KIR2DL1: variants seen among roughly 807,000 people sequenced by gnomAD.
KIR2DL1 encodes the protein killer cell immunoglobulin-like receptor 2DL1.
A neutral mutation model predicts 33.9 loss-of-function variants in KIR2DL1; 38 were observed. That is an observed-to-expected ratio of 1.12 (90% confidence interval 0.86 to 1.47). The LOEUF (loss-of-function observed/expected upper bound fraction) is 1.47, where lower values mean the gene tolerates loss of function less well. Among genes scored for constraint, KIR2DL1 ranks in the 40% most tolerant of loss-of-function variants. KIR2DL1 has a pLI of 0.00. For synonymous variants in KIR2DL1, 179 were observed against 165.9 expected, an observed-to-expected ratio of 1.08 and a Z score of -0.61; for missense variants, 531 against 433.9, an observed-to-expected ratio of 1.22 and a Z score of -1.99.
At chr19:54,773,209 C>A (rs1413108854) in intron 2 of KIR2DL1, 124 bp from the exon 3 acceptor site, 5 of 1,168,256 alleles carry the variant, frequency 4.3e-6, no homozygotes, top group African/African-American at 3.1e-5. Context: ...CAGAAAAGAA[C>A]ATGAAGACAC....
chr19:54,783,581 A>G, intron 7 of KIR2DL1, 43 bp downstream of exon 7: 1 of 1,613,938 alleles, frequency 6.2e-7, no homozygotes, highest in Non-Finnish European at 8.5e-7. Flanking sequence ...TGTTATTCCC[A>G]AAGAGTCCTG....
In KIR2DL1 at chr19:54,771,497, C is replaced by T. The variant is rs1186451225; in HGVS notation, c.70+613C>T. ...TGGGTCCTTCCTTTAGCCCTGGGCA[C>T]CAAGGTGTGATAGCAGCCATAGAAA... On this transcript the variant is annotated intron_variant, in intron 2 of 7. Coordinates refer to ENST00000336077, the MANE Select transcript of KIR2DL1 (RefSeq NM_014218.3). 3.4e-5 allele frequency among the ~76,000 whole-genome samples: 5 copies of T among 147,188 alleles called. 1 individual carries two copies. Among genetic ancestry groups the T allele is most frequent in the African/African-American group, 5.0e-5 (2 of 40,152 alleles).
At chr19:54,781,461 C>T (rs2076931127) in intron 5 of KIR2DL1, among the ~76,000 whole-genome samples, 1 of 150,436 alleles carries the variant, frequency 6.6e-6, no homozygotes, top group Non-Finnish European at 1.5e-5. Flanking sequence ...AAATCCCCCA[C>T]CTCACCCCTA....
intron 4 of KIR2DL1, among the ~76,000 whole-genome samples, chr19:54,776,657 T>G (rs1373539070): frequency 6.9e-6 from 1 of 144,762 alleles, no homozygotes; most frequent in African/African-American, 2.5e-5. Context: ...TTTTCTTTTT[T>G]GAGAAAGAGT....
chr19:54,782,784 A>G, intron 5 of KIR2DL1, 138 bp from the exon 6 acceptor site: 9 of 860,782 alleles, frequency 1.0e-5, no homozygotes, highest in Non-Finnish European at 1.5e-5. Flanking sequence ...AAGCAGGAGA[A>G]AGCTGGGTCT....
intron 2 of KIR2DL1, among the ~76,000 whole-genome samples, chr19:54,771,782 A>C (rs1176931076): frequency 6.8e-6 from 1 of 147,978 alleles, no homozygotes; most frequent in Non-Finnish European, 1.5e-5. Context: ...CAGCCTTTTC[A>C]TGGGCCCTGT....
intron 4 of KIR2DL1, among the ~76,000 whole-genome samples, chr19:54,776,066 A>G (rs1319893355): frequency 1.4e-5 from 2 of 145,210 alleles, no homozygotes; most frequent in African/African-American, 5.0e-5. Flanking sequence ...TACTTTTTGT[A>G]TTTTTAGTAG....
chr19:54,775,468 G>A lies in KIR2DL1; in HGVS notation c.664+10G>A, dbSNP rs546152409. Reference sequence around the variant, plus strand: ...CTTGTTTCTGTCACAGGTGAGGAAAGCCCATGGCTGTCCCATGTCCTATGA... The same window carrying A: ...CTTGTTTCTGTCACAGGTGAGGAAAACCCATGGCTGTCCCATGTCCTATGA... On this transcript the variant is annotated intron_variant, in intron 4 of 7. Coordinates refer to ENST00000336077, the MANE Select transcript of KIR2DL1 (RefSeq NM_014218.3). The A allele has an allele frequency of 1.3e-5, 20 of 1,580,064 alleles. 3 individuals are homozygous for A. In the Admixed American group the frequency reaches 2.4e-4, roughly 19 times the overall value.
chr19:54,775,411 C>A lies in KIR2DL1; in HGVS notation c.617C>A (p.Pro206Gln). The A allele has an allele frequency of 6.3e-7, 1 of 1,584,292 alleles. No homozygotes were observed. Among genetic ancestry groups the A allele is most frequent in the African/African-American group, 1.4e-5 (1 of 74,042 alleles). ...YRCFGSFHDS[P>Q]YEWSKSSDPL... ...TGCTTCGGCTCTTTCCATGACTCTC[C>A]ATACGAGTGGTCAAAGTCAAGTGAC... The change falls in exon 4 of 8, where the codon CCA becomes CAA. Residue 206 changes from proline to glutamine, a missense_variant. Physicochemically the swap from Pro to Gln is moderately conservative, Grantham distance 76 (BLOSUM62 -1). Coordinates refer to ENST00000336077, the MANE Select transcript of KIR2DL1 (RefSeq NM_014218.3).
At chr19:54,773,805 C>T (rs1488271160) in intron 3 of KIR2DL1, among the ~76,000 whole-genome samples, 173 bp downstream of exon 3, 4 of 147,764 alleles carry the variant, frequency 2.7e-5, no homozygotes, top group Non-Finnish European at 4.5e-5. Flanking sequence ...CAAGTAGAGA[C>T]CAGGTGTCAT....
At chr19:54,782,869 A>C in intron 5 of KIR2DL1, 53 bp from the exon 6 acceptor site, 1 of 1,579,170 alleles carries the variant, frequency 6.3e-7, no homozygotes, top group Non-Finnish European at 8.7e-7. Flanking sequence ...GAGACAATTC[A>C]TAAAGAGGAA....
intron 5 of KIR2DL1, among the ~76,000 whole-genome samples, chr19:54,782,569 G>A (rs2077115088): frequency 1.3e-5 from 2 of 151,938 alleles, no homozygotes; most frequent in African/African-American, 4.8e-5. Context: ...CTAATAGAGG[G>A]GGAACTTGCT....
chr19:54,777,851 G>C (rs674932), intron 4 of KIR2DL1, among the ~76,000 whole-genome samples: 1 of 147,718 alleles, frequency 6.8e-6, no homozygotes, highest in South Asian at 2.1e-4. Flanking sequence ...TTTTGTGTAT[G>C]GTGACAGGTA....
intron 5 of KIR2DL1, among the ~76,000 whole-genome samples, chr19:54,780,351 A>C (rs1376424812): frequency 1.5e-5 from 2 of 133,646 alleles, no homozygotes; most frequent in Admixed American, 7.6e-5. Context: ...CACAGCTGTC[A>C]GCCATGAAGG....
At chr19:54,775,546 C>G in intron 4 of KIR2DL1, 88 bp downstream of exon 4, 1 of 1,425,694 alleles carries the variant, frequency 7.0e-7, no homozygotes, top group Non-Finnish European at 9.7e-7. Flanking sequence ...GAAGCATGGA[C>G]AGATGCAGAG....
rs369031388 is a variant in KIR2DL1, at chr19:54,778,632, C to T, written c.685C>T (p.Pro229Ser). 2.5e-6 allele frequency: 4 copies of T among 1,570,206 alleles called. No homozygotes were observed. The highest frequency in any genetic ancestry group is 2.8e-5 in the African/African-American group (2 of 72,286). The change falls in exon 5 of 8, where the codon CCT becomes TCT. Residue 229 changes from proline to serine, a missense_variant. By Grantham distance (74) the Pro-to-Ser change is moderately conservative (BLOSUM62 -1). Coordinates refer to ENST00000336077, the MANE Select transcript of KIR2DL1 (RefSeq NM_014218.3). ...SVTGNPSNSWPSPTEPSSKTG... is the reference protein window; with the variant it reads ...SVTGNPSNSWSSPTEPSSKTG... ...TCTAGGAAACCCTTCAAATAGTTGG[C>T]CTTCACCCACTGAACCAAGCTCCAA...
At position 54,780,538 on chromosome 19, in the gene KIR2DL1, G is replaced by A. The variant is rs560691753; in HGVS notation, c.715+1876G>A. Among the ~76,000 whole-genome samples, 809 of 142,048 alleles carry A rather than the reference G, an allele frequency of 5.7e-3. 8 individuals carry two copies. Among genetic ancestry groups the A allele is most frequent in the African/African-American group, 0.02 (764 of 37,326 alleles). The allele number at this position is 142,048 out of a possible 152,430, so 93.2% of individuals were successfully genotyped here. On this transcript the variant is annotated intron_variant, in intron 5 of 7. Coordinates refer to ENST00000336077, the MANE Select transcript of KIR2DL1 (RefSeq NM_014218.3). Reference sequence around the variant, plus strand: ...ACTCACAGCCATTGGATTCACCTCGGGGTAACCAGGAATCCCTACATGATT... The same window carrying A: ...ACTCACAGCCATTGGATTCACCTCGAGGTAACCAGGAATCCCTACATGATT...
chr19:54,775,025 T>G, intron 3 of KIR2DL1, 140 bp from the exon 4 acceptor site: 1 of 1,215,848 alleles, frequency 8.2e-7, no homozygotes, highest in South Asian at 1.5e-5. Flanking sequence ...GAAATAGACA[T>G]GAAGAGCGAT....
intron 1 of KIR2DL1, among the ~76,000 whole-genome samples, chr19:54,770,639 G>A (rs2075588750): frequency 1.3e-5 from 2 of 148,184 alleles, no homozygotes; most frequent in South Asian, 2.1e-4. Flanking sequence ...GGCCTGGAGT[G>A]GAGATATGGG....
Sources: allele counts gnomAD v4.1 joint callset (sites outside exome capture counted in the v4.1 genomes callset), GRCh38; gene constraint gnomAD v4.1.1; transcripts MANE v1.5; gene names NCBI Gene and HGNC (gene_info 2026-07-23, HGNC 2026-07-21).